The following TMEM117 variants were observed in gnomAD, a reference collection of about 807,000 sequenced individuals.
The protein encoded by TMEM117 is transmembrane protein 117.
In TMEM117, 27 loss-of-function variants were observed where a neutral mutation model predicts 52.4. The ratio of observed to expected loss-of-function variants is 0.51; its 90% CI spans 0.38 to 0.71. TMEM117 has a LOEUF of 0.71. Among genes scored for constraint, TMEM117 ranks in the 30% least tolerant of loss-of-function variants. The pLI is 0.00. For synonymous variants in TMEM117, 215 were observed against 206.3 expected, an observed-to-expected ratio of 1.04 and a Z score of -0.36; for missense variants, 556 against 630.5, an observed-to-expected ratio of 0.88 and a Z score of 1.26.
chr12:44,291,387 T>G (rs1347165598), intron 5 of TMEM117, among the ~76,000 whole-genome samples: 2 of 149,876 alleles, frequency 1.3e-5, no homozygotes, highest in Non-Finnish European at 3.0e-5. Flanking sequence ...TTTTTTTTTT[T>G]TTTTTTTTTT....
intron 3 of TMEM117, among the ~76,000 whole-genome samples, chr12:44,127,725 G>A (rs999823142): frequency 2.6e-5 from 4 of 151,968 alleles, no homozygotes; most frequent in African/African-American, 9.7e-5. Context: ...AATGTGGGTG[G>A]GCCTTAGCCA....
intron 2 of TMEM117, among the ~76,000 whole-genome samples, chr12:43,895,687 C>G (rs1357757067): frequency 2.0e-5 from 3 of 152,132 alleles, no homozygotes; most frequent in Non-Finnish European, 2.9e-5. Context: ...GTCAAGGAAA[C>G]TTTTATCAGA....
rs971473586 is a variant in TMEM117 at position 44,246,120 on chromosome 12, A to G, written c.608+34733A>G. 3.9e-5 allele frequency among the ~76,000 whole-genome samples: 6 copies of G among 152,148 alleles called. No homozygotes were observed. In the East Asian group the frequency reaches 9.6e-4, roughly 24 times the overall value. ...AGCTGAGTCATATTACATTAACATT[A>G]CTTACGTATATCTAATTTTTATGAA... On this transcript the variant is annotated intron_variant, in intron 5 of 7. Coordinates refer to ENST00000266534, the MANE Select transcript of TMEM117 (RefSeq NM_032256.3).
intron 2 of TMEM117, among the ~76,000 whole-genome samples, chr12:43,876,358 G>A (rs1030775078): frequency 2.6e-5 from 4 of 152,116 alleles, no homozygotes; most frequent in African/African-American, 9.7e-5. Context: ...TTTCAACTTG[G>A]TTTCCTCTGA....
intron 6 of TMEM117, among the ~76,000 whole-genome samples, chr12:44,368,014 C>T (rs575281613): frequency 3.9e-4 from 59 of 152,212 alleles, no homozygotes; most frequent in African/African-American, 1.2e-3. Flanking sequence ...CTCACGCTCC[C>T]GTGACCATTG....
chr12:43,897,985 A>C (rs1944235655), intron 2 of TMEM117, among the ~76,000 whole-genome samples: 1 of 151,860 alleles, frequency 6.6e-6, no homozygotes, highest in African/African-American at 2.4e-5. Context: ...TCGGCTGTCA[A>C]GGCTATGAAT....
intron 4 of TMEM117, among the ~76,000 whole-genome samples, chr12:44,185,915 C>CAT (rs1555128113): frequency 6.7e-6 from 1 of 149,692 alleles, no homozygotes; most frequent in African/African-American, 2.5e-5. Flanking sequence ...CACACACACA[C>CAT]GTGCTCCTAC....
intron 3 of TMEM117, among the ~76,000 whole-genome samples, chr12:44,136,439 C>T (rs1948491559): frequency 6.6e-6 from 1 of 152,024 alleles, no homozygotes; most frequent in Non-Finnish European, 1.5e-5. Context: ...AAATCTGGGA[C>T]TTTAGAATTA....
At chr12:43,892,231 T>G (rs984465678) in intron 2 of TMEM117, among the ~76,000 whole-genome samples, 2 of 152,146 alleles carry the variant, frequency 1.3e-5, no homozygotes, top group Non-Finnish European at 2.9e-5. Context: ...GGCACAAACT[T>G]CCAGAATTGT....
chr12:44,198,471 A>G (rs1402717068), intron 4 of TMEM117, among the ~76,000 whole-genome samples: 2 of 152,166 alleles, frequency 1.3e-5, no homozygotes, highest in Non-Finnish European at 2.9e-5. Flanking sequence ...AATGAGAAAA[A>G]TTAACCAGAA....
intron 3 of TMEM117, among the ~76,000 whole-genome samples, chr12:43,987,475 C>T (rs1031688302): frequency 4.0e-5 from 6 of 151,204 alleles, no homozygotes; most frequent in African/African-American, 1.5e-4. Context: ...GTTATCTTGT[C>T]CCTATGATAC....
intron 5 of TMEM117, among the ~76,000 whole-genome samples, chr12:44,239,214 A>ATC (rs1461480388): frequency 6.6e-6 from 1 of 152,190 alleles, no homozygotes; most frequent in Non-Finnish European, 1.5e-5. Flanking sequence ...TCATAAGCGT[A>ATC]TCTTCTCAGT....
chr12:44,393,440 TACTC>T (rs1455297908), downstream of TMEM117, among the ~76,000 whole-genome samples: 3 of 144,526 alleles, frequency 2.1e-5, no homozygotes, highest in Non-Finnish European at 3.0e-5. Flanking sequence ...TTCCATTCAA[TACTC>T]ACATTAACCT....
In TMEM117 at chr12:44,280,851, A is replaced by G. The variant is rs137994803; in HGVS notation, c.609-18729A>G. Among the ~76,000 whole-genome samples the G allele has an allele frequency of 8.7e-3, 1,331 of 152,222 alleles. 17 individuals are homozygous for G. Among genetic ancestry groups the G allele is most frequent in the African/African-American group, 0.03 (1,261 of 41,524 alleles). ...ATTCTGATGAAATTATACTTTTTAT[A>G]TAGCTTTAAAATTCCCCACTGAGTT... is the stretch of plus-strand genomic sequence containing the variant. On this transcript the variant is annotated intron_variant, in intron 5 of 7. Coordinates refer to ENST00000266534, the MANE Select transcript of TMEM117 (RefSeq NM_032256.3).
intron 2 of TMEM117, among the ~76,000 whole-genome samples, chr12:43,882,095 A>G (rs1943907786): frequency 6.7e-6 from 1 of 150,236 alleles, no homozygotes; most frequent in African/African-American, 2.5e-5. Flanking sequence ...AAACTAAAAA[A>G]CAACAACAAC....
intron 2 of TMEM117, among the ~76,000 whole-genome samples, chr12:43,880,487 T>A (rs1014375844): frequency 1.6e-4 from 24 of 152,222 alleles, no homozygotes; most frequent in African/African-American, 5.8e-4. Flanking sequence ...GTTAAGACTT[T>A]GTAGAAATTT....
chr12:43,876,984 G>A (rs1182482817), intron 2 of TMEM117, among the ~76,000 whole-genome samples: 1 of 152,030 alleles, frequency 6.6e-6, no homozygotes, highest in Non-Finnish European at 1.5e-5. Context: ...AATGTGTAAT[G>A]TATAGTATAA....
At chr12:44,282,658 G>A (rs564809387) in intron 5 of TMEM117, among the ~76,000 whole-genome samples, 1 of 152,188 alleles carries the variant, frequency 6.6e-6, no homozygotes, top group Non-Finnish European at 1.5e-5. Context: ...TATAAGGGAA[G>A]CAGAGCATAA....
At chr12:44,078,705 TTTTA>T (rs936187827) in intron 3 of TMEM117, among the ~76,000 whole-genome samples, 2 of 152,160 alleles carry the variant, frequency 1.3e-5, no homozygotes, top group Non-Finnish European at 2.9e-5. Flanking sequence ...TTTGTTTTGT[TTTTA>T]TTTATTTATT....
Sources: gnomAD v4.1 joint callset for allele counts (sites outside exome capture counted in the v4.1 genomes callset) on GRCh38, gnomAD v4.1.1 for gene constraint, MANE v1.5 for transcripts, NCBI Gene and HGNC (gene_info 2026-07-23, HGNC 2026-07-21) for gene names.